Variants in FOXP1 observed in about 807,000 individuals in gnomAD.
FOXP1 encodes forkhead box protein P1.
A neutral mutation model predicts 98.2 loss-of-function variants in FOXP1; 15 were observed. The ratio of observed to expected loss-of-function variants is 0.15; its 90% CI spans 0.10 to 0.24. The LOEUF is 0.24. FOXP1 is among the 10% of genes least tolerant of loss of function. FOXP1 has a pLI of 1.00. For missense variants in FOXP1, 633 were observed against 848.5 expected, an observed-to-expected ratio of 0.75 and a Z score of 3.15; for synonymous variants, 371 against 314.5, an observed-to-expected ratio of 1.18 and a Z score of -1.90.
chr3:71,250,010 G>C (rs2068056251), intron 5 of FOXP1, among the ~76,000 whole-genome samples: 1 of 152,122 alleles, frequency 6.6e-6, no homozygotes, highest in South Asian at 2.1e-4. Context: ...TGTATAAAGA[G>C]AATTGCTTTA....
At chr3:71,029,293 T>C (rs1232611204) in intron 11 of FOXP1, among the ~76,000 whole-genome samples, 1 of 152,054 alleles carries the variant, frequency 6.6e-6, no homozygotes, top group Non-Finnish European at 1.5e-5. Context: ...GACAAGAGAG[T>C]TAAAACCTTT....
intron 3 of FOXP1, among the ~76,000 whole-genome samples, chr3:71,436,201 C>A (rs575060190): frequency 6.6e-6 from 1 of 151,930 alleles, no homozygotes; most frequent in Non-Finnish European, 1.5e-5. Context: ...ATTGTCTCCC[C>A]GCAACAGCCC....
At chr3:71,471,383 A>AT (rs1375216630) in intron 3 of FOXP1, among the ~76,000 whole-genome samples, 2 of 152,150 alleles carry the variant, frequency 1.3e-5, no homozygotes, top group Non-Finnish European at 2.9e-5. Flanking sequence ...AACAGGGCGA[A>AT]ATAACTGAGG....
intron 11 of FOXP1, among the ~76,000 whole-genome samples, chr3:71,021,560 T>C (rs1001135160): frequency 2.0e-5 from 3 of 152,212 alleles, no homozygotes; most frequent in African/African-American, 4.8e-5. Flanking sequence ...TACCTAGAAG[T>C]TGAATTGCTG....
intron 5 of FOXP1, among the ~76,000 whole-genome samples, chr3:71,260,172 G>A (rs1011873666): frequency 6.6e-6 from 1 of 152,058 alleles, no homozygotes; most frequent in Non-Finnish European, 1.5e-5. Context: ...TTTAGTACAG[G>A]CGGGGTTTCA....
chr3:71,339,128 A>G (rs1316741676), intron 4 of FOXP1, among the ~76,000 whole-genome samples: 1 of 152,254 alleles, frequency 6.6e-6, no homozygotes, highest in Non-Finnish European at 1.5e-5. Flanking sequence ...CTATCGAGAA[A>G]GATTTGGCAA....
rs73838120 is a variant in FOXP1, at chr3:70,977,399, T to C, written c.1428+244A>G. ...CAGAGATTACTGTAGCTTGTGATAA[T>C]TGACTTGCCATCTTTAAACAGGCTC... On this transcript the variant is annotated intron_variant, in intron 16 of 20. Transcript: ENST00000649528. 4.9e-3 allele frequency among the ~76,000 whole-genome samples: 754 copies of C among 152,344 alleles called. 6 individuals carry two copies. Among genetic ancestry groups the C allele is most frequent in the African/African-American group, 0.017 (725 of 41,576 alleles).
chr3:71,569,644 T>C (rs1158041765), intron 2 of FOXP1, among the ~76,000 whole-genome samples: 1 of 152,156 alleles, frequency 6.6e-6, no homozygotes, highest in Non-Finnish European at 1.5e-5. Context: ...TATATACATA[T>C]ACACACATAC....
At chr3:71,511,070 T>C (rs541418254) in intron 2 of FOXP1, among the ~76,000 whole-genome samples, 1 of 152,338 alleles carries the variant, frequency 6.6e-6, no homozygotes, top group Non-Finnish European at 1.5e-5. Flanking sequence ...TCGGTGATAA[T>C]AAAAGGCTTT....
rs994411924 is a variant in FOXP1, at chr3:71,550,173, G to C, written c.-298+31376C>G. 9.2e-5 allele frequency among the ~76,000 whole-genome samples: 14 copies of C among 152,220 alleles called. 4 individuals are homozygous for C. In the South Asian group the frequency reaches 2.7e-3, roughly 29 times the overall value. The stretch of plus-strand genomic sequence containing the variant: ...ATTGGAGTTGGCGATGGTACAAAGC[G>C]GGGAGAGGAGGAAGCCTGTGGAGAC... On this transcript the variant is annotated intron_variant, in intron 2 of 20. Coordinates refer to ENST00000649528, the MANE Select transcript of FOXP1 (RefSeq NM_001349338.3).
At chr3:71,300,154 G>A (rs751667993) in intron 4 of FOXP1, among the ~76,000 whole-genome samples, 2 of 152,182 alleles carry the variant, frequency 1.3e-5, no homozygotes, top group East Asian at 3.9e-4. Context: ...GTTGTCTATC[G>A]ATTTATTTTC....
intron 2 of FOXP1, chr3:71,574,396 G>A (rs954580708): frequency 6.6e-6 from 1 of 152,126 alleles, no homozygotes; most frequent in Non-Finnish European, 1.5e-5. Context: ...TAACTCTTTT[G>A]ATCTTAGTGG....
chr3:71,409,020 A>G (rs146589459), intron 3 of FOXP1, among the ~76,000 whole-genome samples: 3 of 152,260 alleles, frequency 2.0e-5, no homozygotes, highest in East Asian at 1.9e-4. Flanking sequence ...TAATAGTCCA[A>G]TCAGGAAGGA....
intron 6 of FOXP1, among the ~76,000 whole-genome samples, chr3:71,132,625 T>C (rs2059627433): frequency 6.6e-6 from 1 of 152,214 alleles, no homozygotes; most frequent in Non-Finnish European, 1.5e-5. Flanking sequence ...AAGCACCCTC[T>C]GGGACTGCAA....
chr3:71,210,288 G>A (rs1227494043), intron 5 of FOXP1, among the ~76,000 whole-genome samples: 1 of 152,108 alleles, frequency 6.6e-6, no homozygotes, highest in Non-Finnish European at 1.5e-5. Flanking sequence ...CAAACCTAAA[G>A]TCACAAAGTA....
At chr3:71,583,135 C>A (rs776928406) in intron 1 of FOXP1, among the ~76,000 whole-genome samples, 10 of 152,008 alleles carry the variant, frequency 6.6e-5, no homozygotes, top group Non-Finnish European at 1.3e-4. Flanking sequence ...TTGCGCCAGG[C>A]GGCCTGGGCT....
chr3:71,249,901 G>T (rs542067272), intron 5 of FOXP1, among the ~76,000 whole-genome samples: 3 of 152,262 alleles, frequency 2.0e-5, no homozygotes, highest in African/African-American at 7.2e-5. Flanking sequence ...CCTCTAACTG[G>T]GGGCCATGGG....
At chr3:71,239,719 C>T (rs189073951) in intron 5 of FOXP1, among the ~76,000 whole-genome samples, 5 of 152,284 alleles carry the variant, frequency 3.3e-5, no homozygotes, top group East Asian at 1.9e-4. Flanking sequence ...AAAAGAATAA[C>T]GCTTTTTAAG....
chr3:71,582,833 G>C, intron 1 of FOXP1: 1 of 979,886 alleles, frequency 1.0e-6, no homozygotes, highest in Non-Finnish European at 1.2e-6. Context: ...TGGCGGGAGA[G>C]CTTCCTCGCC....
Sources: gnomAD v4.1 joint callset for allele counts (sites outside exome capture counted in the v4.1 genomes callset) on GRCh38, gnomAD v4.1.1 for gene constraint, MANE v1.5 for transcripts, NCBI Gene and HGNC (gene_info 2026-07-23, HGNC 2026-07-21) for gene names.